The following KCNH7 variants were observed in gnomAD, a reference collection of about 807,000 sequenced individuals.
The protein encoded by KCNH7 is voltage-gated inwardly rectifying potassium channel KCNH7.
In KCNH7, 49 loss-of-function variants were observed where a neutral mutation model predicts 120.8. The ratio of observed to expected loss-of-function variants is 0.41; its 90% CI spans 0.32 to 0.51. The LOEUF (loss-of-function observed/expected upper bound fraction) is 0.51. Ranked by LOEUF, KCNH7 falls within the 20% of genes least tolerant of loss-of-function variation. KCNH7 has a pLI of 0.38. For missense variants in KCNH7, 1,097 were observed against 1,446.6 expected (o/e 0.76, Z 3.92); for synonymous variants, 547 against 516.1 (o/e 1.06, Z -0.81).
At chr2:162,829,319 T>C (rs1469535517) in intron 2 of KCNH7, among the ~76,000 whole-genome samples, 1 of 152,158 alleles carries the variant, frequency 6.6e-6, no homozygotes, top group African/African-American at 2.4e-5. Context: ...AACTTTATCA[T>C]TTTACATTTT....
intron 2 of KCNH7, among the ~76,000 whole-genome samples, chr2:162,605,160 T>C (rs1559040614): frequency 6.6e-6 from 1 of 152,088 alleles, no homozygotes; most frequent in Non-Finnish European, 1.5e-5. Context: ...GAAGAGGAAA[T>C]GTGTTTTAGA....
intron 2 of KCNH7, among the ~76,000 whole-genome samples, chr2:162,548,403 G>C (rs1024512219): frequency 6.6e-6 from 1 of 152,180 alleles, no homozygotes; most frequent in Non-Finnish European, 1.5e-5. Flanking sequence ...TTGCAGGAGG[G>C]AGAGATGTTT....
intron 2 of KCNH7, among the ~76,000 whole-genome samples, chr2:162,578,051 C>A (rs984102988): frequency 1.3e-5 from 2 of 151,932 alleles, no homozygotes; most frequent in African/African-American, 4.8e-5. Context: ...AATCCATGAT[C>A]CTTCCACTAG....
At chr2:162,467,369 A>G (rs1177562254) in intron 6 of KCNH7, among the ~76,000 whole-genome samples, 1 of 152,244 alleles carries the variant, frequency 6.6e-6, no homozygotes, top group Non-Finnish European at 1.5e-5. Context: ...TGTTTGGGTC[A>G]TGGAGTAGAT....
At chr2:162,634,971 T>G (rs1039043749) in intron 2 of KCNH7, among the ~76,000 whole-genome samples, 10 of 152,220 alleles carry the variant, frequency 6.6e-5, no homozygotes, top group African/African-American at 2.2e-4. Context: ...ATGTGGCTAC[T>G]TAATTCTTAA....
intron 15 of KCNH7, among the ~76,000 whole-genome samples, chr2:162,372,490 A>T (rs1424350929): frequency 6.6e-6 from 1 of 152,192 alleles, no homozygotes; most frequent in Non-Finnish European, 1.5e-5. Context: ...AAAATCCGTC[A>T]TCCCTAGTCA....
chr2:162,608,091 CTTGGACTTTGTATGT>C (rs2105965861), intron 2 of KCNH7, among the ~76,000 whole-genome samples: 1 of 152,126 alleles, frequency 6.6e-6, no homozygotes, highest in East Asian at 1.9e-4. Context: ...TGCGGGTGTA[CTTGGACTTTGTATGT>C]TTACAAAGTA....
chr2:162,778,451 C>T (rs1449528971), intron 2 of KCNH7, among the ~76,000 whole-genome samples: 1 of 152,120 alleles, frequency 6.6e-6, no homozygotes, highest in Non-Finnish European at 1.5e-5. Context: ...CTATAAACAG[C>T]GTCTTGGGTT....
At chr2:162,823,049 G>A (rs138954737) in intron 2 of KCNH7, among the ~76,000 whole-genome samples, 137 of 152,266 alleles carry the variant, frequency 9.0e-4, no homozygotes, top group Non-Finnish European at 3.5e-4. Flanking sequence ...TTGTATCTAC[G>A]TGAACAGGAG....
chr2:162,567,097 T>A (rs1016314034), intron 2 of KCNH7, among the ~76,000 whole-genome samples: 3 of 151,860 alleles, frequency 2.0e-5, no homozygotes, highest in African/African-American at 7.3e-5. Flanking sequence ...CATTGTTGAG[T>A]TTTCTCCAAA....
chr2:162,650,744 C>T (rs535284257), intron 2 of KCNH7, among the ~76,000 whole-genome samples: 22 of 152,286 alleles, frequency 1.4e-4, no homozygotes, highest in Non-Finnish European at 1.9e-4. Flanking sequence ...CCCTACTAGA[C>T]GTTCAGCTCT....
At chr2:162,638,214 G>A (rs776923735) in intron 2 of KCNH7, among the ~76,000 whole-genome samples, 4 of 152,166 alleles carry the variant, frequency 2.6e-5, no homozygotes, top group East Asian at 1.9e-4. Flanking sequence ...CAAAACTCAC[G>A]AGAAGACAAA....
chr2:162,803,486 T>G (rs1178225201), intron 2 of KCNH7, among the ~76,000 whole-genome samples: 1 of 151,716 alleles, frequency 6.6e-6, no homozygotes, highest in Admixed American at 6.6e-5. Flanking sequence ...AAGTGACACT[T>G]AGAGTGTATA....
intron 6 of KCNH7, among the ~76,000 whole-genome samples, chr2:162,472,478 A>G (rs1443767453): frequency 6.6e-6 from 1 of 152,276 alleles, no homozygotes; most frequent in Non-Finnish European, 1.5e-5. Context: ...GCCAGCAGAC[A>G]CATGAAAAAA....
intron 1 of KCNH7, among the ~76,000 whole-genome samples, chr2:162,837,119 T>G (rs934025069): frequency 2.0e-5 from 3 of 152,220 alleles, no homozygotes; most frequent in African/African-American, 7.2e-5. Context: ...TTAATTGTAA[T>G]GTAAATATTT....
intron 3 of KCNH7, among the ~76,000 whole-genome samples, chr2:162,522,761 T>A (rs1454246442): frequency 1.3e-5 from 2 of 151,918 alleles, no homozygotes; most frequent in Non-Finnish European, 2.9e-5. Context: ...TTACAAGTAC[T>A]GGTAAACTGC....
intron 2 of KCNH7, among the ~76,000 whole-genome samples, chr2:162,757,631 C>G (rs1264943099): frequency 6.6e-6 from 1 of 151,996 alleles, no homozygotes; most frequent in Non-Finnish European, 1.5e-5. Context: ...AACTGCCATG[C>G]ACAGATACTT....
At chr2:162,541,241 G>A (rs1446064763) in intron 2 of KCNH7, among the ~76,000 whole-genome samples, 1 of 152,054 alleles carries the variant, frequency 6.6e-6, no homozygotes, top group South Asian at 2.1e-4. Flanking sequence ...AACAATTAGA[G>A]AATGGATTAC....
At chr2:162,562,710 T>C (rs1693116761) in intron 2 of KCNH7, among the ~76,000 whole-genome samples, 1 of 152,190 alleles carries the variant, frequency 6.6e-6, no homozygotes, top group Admixed American at 6.5e-5. Context: ...GAGAAGCAGC[T>C]TGCCAGTCAA....
Sources: gnomAD v4.1 joint callset for allele counts (sites outside exome capture counted in the v4.1 genomes callset) on GRCh38, gnomAD v4.1.1 for gene constraint, MANE v1.5 for transcripts, NCBI Gene and HGNC (gene_info 2026-07-23, HGNC 2026-07-21) for gene names.